Variants in TMEM117 observed in about 807,000 individuals in gnomAD.
The protein encoded by TMEM117 is transmembrane protein 117.
Under a neutral mutation model 52.4 loss-of-function variants are expected in TMEM117, and 27 were observed. That is an observed-to-expected ratio of 0.51 (90% CI 0.38 to 0.71). The LOEUF is 0.71. Ranked by LOEUF, TMEM117 falls within the 30% of genes least tolerant of loss-of-function variation. The pLI is 0.00. For missense variants in TMEM117, 556 were observed against 630.5 expected, an observed-to-expected ratio of 0.88 and a Z score of 1.26; for synonymous variants, 215 against 206.3, an observed-to-expected ratio of 1.04 and a Z score of -0.36.
chr12:44,326,526 C>G (rs1201297451), intron 6 of TMEM117, among the ~76,000 whole-genome samples: 1 of 152,116 alleles, frequency 6.6e-6, no homozygotes, highest in Non-Finnish European at 1.5e-5. Context: ...AACATGCTCT[C>G]TACCCTCATG....
intron 5 of TMEM117, among the ~76,000 whole-genome samples, chr12:44,229,078 G>A (rs186099065): frequency 4.6e-5 from 7 of 152,168 alleles, no homozygotes; most frequent in African/African-American, 1.7e-4. Context: ...TAGACATGAG[G>A]AGGAATGGAA....
chr12:44,354,996 C>T (rs1303057343), intron 6 of TMEM117, among the ~76,000 whole-genome samples: 4 of 151,942 alleles, frequency 2.6e-5, no homozygotes, highest in Non-Finnish European at 5.9e-5. Flanking sequence ...GTCCAGCATA[C>T]TCATAATAAA....
intron 5 of TMEM117, among the ~76,000 whole-genome samples, chr12:44,223,056 C>A (rs1178934914): frequency 7.1e-6 from 1 of 141,366 alleles, no homozygotes; most frequent in Non-Finnish European, 1.5e-5. Flanking sequence ...CTTCTTTTAA[C>A]TTTTATTTTA....
chr12:43,920,982 A>G (rs1433111391), intron 2 of TMEM117, among the ~76,000 whole-genome samples: 1 of 151,972 alleles, frequency 6.6e-6, no homozygotes, highest in Non-Finnish European at 1.5e-5. Context: ...TTCCACTTCT[A>G]CGCTTTTACT....
chr12:44,319,888 G>A (rs552500265), intron 6 of TMEM117, among the ~76,000 whole-genome samples: 75 of 151,930 alleles, frequency 4.9e-4, no homozygotes, highest in Non-Finnish European at 9.1e-4. Flanking sequence ...TCCTCTAGCT[G>A]TCCATTATAC....
the TMEM117 span, among the ~76,000 whole-genome samples, chr12:43,827,752 A>T: frequency 6.6e-6 from 1 of 152,198 alleles, no homozygotes; most frequent in African/African-American, 2.4e-5. Context: ...CCCAAAATTC[A>T]TGTCCACTTG....
chr12:44,156,847 G>A (rs1056132808), intron 4 of TMEM117, among the ~76,000 whole-genome samples: 1 of 152,080 alleles, frequency 6.6e-6, no homozygotes, highest in Non-Finnish European at 1.5e-5. Context: ...GGCAATATAA[G>A]TGCTCAGTAA....
the TMEM117 span, among the ~76,000 whole-genome samples, chr12:43,817,576 G>C: frequency 6.6e-6 from 1 of 152,072 alleles, no homozygotes; most frequent in Non-Finnish European, 1.5e-5. Context: ...GGACTTACAA[G>C]GAACTACATC....
intron 5 of TMEM117, among the ~76,000 whole-genome samples, chr12:44,280,991 T>A (rs1026184032): frequency 6.6e-6 from 1 of 152,108 alleles, no homozygotes; most frequent in African/African-American, 2.4e-5. Flanking sequence ...TCCTTATTTT[T>A]GAGTGAAGTA....
Position 44,218,236 on chromosome 12 carries a change from AC to A in TMEM117, c.608+6850del, listed in dbSNP as rs747898369. ...AAGGCTCCGTCAAAAAAAACAAAAA[AC>A]AAAAAACTAGCAAACCAACTTCAAC... On this transcript the variant is annotated intron_variant, in intron 5 of 7. Coordinates refer to ENST00000266534, the MANE Select transcript of TMEM117 (RefSeq NM_032256.3). Among the ~76,000 whole-genome samples, 6 of 152,004 alleles carry A rather than the reference AC, an allele frequency of 3.9e-5. 1 individual carries two copies. Among genetic ancestry groups the A allele is most frequent in the Admixed American group, 2.0e-4 (3 of 15,240 alleles).
chr12:44,271,616 G>A (rs943671008), intron 5 of TMEM117, among the ~76,000 whole-genome samples: 2 of 151,910 alleles, frequency 1.3e-5, no homozygotes, highest in African/African-American at 4.8e-5. Flanking sequence ...ATTGTTTAAG[G>A]TCTTAAAGAT....
intron 6 of TMEM117, among the ~76,000 whole-genome samples, chr12:44,339,745 A>G (rs1423987386): frequency 6.6e-6 from 1 of 151,968 alleles, no homozygotes; most frequent in African/African-American, 2.4e-5. Context: ...GCTGAGGTAT[A>G]TAAGAAAAAA....
the TMEM117 span, chr12:43,805,690 C>T: frequency 9.7e-6 from 8 of 828,246 alleles, no homozygotes; most frequent in East Asian, 6.0e-5. Flanking sequence ...CAGAACATAA[C>T]TCTCATTTTC....
chr12:44,366,433 A>G lies in TMEM117; in HGVS notation c.769-10162A>G, dbSNP rs191796091. Among the ~76,000 whole-genome samples, 16 of 152,242 alleles carry G rather than the reference A, an allele frequency of 1.1e-4. No homozygotes were observed. In the East Asian group the frequency reaches 2.9e-3, roughly 28 times the overall value. ...ACCTCTGGACTAACAATAGTTTCAG[A>G]AAATTTTTCAATTCACTGAGGAAAT... On this transcript the variant is annotated intron_variant, in intron 6 of 7. Transcript: ENST00000266534.
At chr12:44,138,897 C>G (rs1216377908) in intron 3 of TMEM117, among the ~76,000 whole-genome samples, 2 of 152,096 alleles carry the variant, frequency 1.3e-5, no homozygotes, top group Non-Finnish European at 2.9e-5. Context: ...ACTACAAACA[C>G]AAAATGATTG....
chr12:44,253,186 TA>T (rs573813962), intron 5 of TMEM117, among the ~76,000 whole-genome samples: 101 of 152,288 alleles, frequency 6.6e-4, no homozygotes, highest in Non-Finnish European at 1.2e-3. Context: ...CATTAATGAA[TA>T]GGGGGAGTGT....
At chr12:44,316,764 CT>C (rs2138686992) in intron 6 of TMEM117, among the ~76,000 whole-genome samples, 1 of 152,048 alleles carries the variant, frequency 6.6e-6, no homozygotes, top group South Asian at 2.1e-4. Context: ...ATTTTTCAGA[CT>C]TTGTTCATTA....
At chr12:44,007,315 AGT>A (rs1332042065) in intron 3 of TMEM117, among the ~76,000 whole-genome samples, 2 of 152,138 alleles carry the variant, frequency 1.3e-5, no homozygotes, top group Non-Finnish European at 2.9e-5. Flanking sequence ...TGAAGATCAG[AGT>A]TTCTGACCTG....
chr12:43,841,271 C>T (rs1943111278), intron 1 of TMEM117, among the ~76,000 whole-genome samples: 1 of 152,164 alleles, frequency 6.6e-6, no homozygotes, highest in Non-Finnish European at 1.5e-5. Flanking sequence ...GGAAGAAACA[C>T]TTCCAGCTTT....
Sources: allele counts gnomAD v4.1 joint callset (sites outside exome capture counted in the v4.1 genomes callset), GRCh38; gene constraint gnomAD v4.1.1; transcripts MANE v1.5; gene names NCBI Gene and HGNC (gene_info 2026-07-23, HGNC 2026-07-21).